Variants in MCC observed in about 807,000 individuals in gnomAD.
MCC encodes colorectal mutant cancer protein.
A neutral mutation model predicts 116.2 loss-of-function variants in MCC; 90 were observed. The ratio of observed to expected loss-of-function variants is 0.77; its 90% CI spans 0.65 to 0.92. The LOEUF is 0.92. MCC is among the 40% of genes least tolerant of loss of function. The pLI, the probability that MCC is intolerant of heterozygous loss-of-function variation, is 0.00. For synonymous variants in MCC, 578 were observed against 510.5 expected, an observed-to-expected ratio of 1.13 and a Z score of -1.78; for missense variants, 1,516 against 1,312.2, an observed-to-expected ratio of 1.16 and a Z score of -2.40.
intron 4 of MCC, among the ~76,000 whole-genome samples, chr5:113,143,835 G>A (rs904056594): frequency 3.9e-5 from 6 of 152,302 alleles, no homozygotes; most frequent in Non-Finnish European, 8.8e-5. Context: ...TGGCTGTTCA[G>A]TTTCCCTTTT....
chr5:113,082,914 G>T lies in MCC; in HGVS notation c.1730C>A (p.Ala577Asp), dbSNP rs748684730. The T allele has an allele frequency of 4.3e-6, 7 of 1,614,052 alleles. No individual in the cohort carries two copies. Among genetic ancestry groups the T allele is most frequent in the Non-Finnish European group, 5.9e-6 (7 of 1,180,028 alleles). Residue 577 changes from alanine to aspartate, a missense_variant, in exon 11 of 19, where the codon GCC becomes GAC. Physicochemically the swap from Ala to Asp is moderately radical, Grantham distance 126 (BLOSUM62 -2). Coordinates refer to ENST00000408903, the MANE Select transcript of MCC (RefSeq NM_001085377.2). ...CTCTCTAATCTTGCTTTCTGAGATGGCAGATCCGTGTGAGTAGAGTGTTTG... is the reference window on the plus strand; with the variant it reads ...CTCTCTAATCTTGCTTTCTGAGATGTCAGATCCGTGTGAGTAGAGTGTTTG... Reference protein sequence around the residue: ...IFQTLYSHGSAISESKIREFE... With the variant: ...IFQTLYSHGSDISESKIREFE...
chr5:113,364,451 C>T (rs1768636070), intron 2 of MCC, among the ~76,000 whole-genome samples: 2 of 152,188 alleles, frequency 1.3e-5, no homozygotes. Flanking sequence ...GGTTCAGCCC[C>T]TGTGGCTACT....
intron 2 of MCC, among the ~76,000 whole-genome samples, chr5:113,361,244 A>G (rs1003259113): frequency 4.7e-5 from 6 of 128,366 alleles, no homozygotes; most frequent in Non-Finnish European, 9.8e-5. Context: ...GAAGTTATCA[A>G]TTTCATAAAT....
Position 113,029,018 on chromosome 5 carries a change from C to T in MCC, c.2795G>A (p.Ser932Asn), listed in dbSNP as rs151182874. 72 of 1,613,408 alleles carry T rather than the reference C, an allele frequency of 4.5e-5. No homozygotes were observed. The highest frequency in any genetic ancestry group is 5.9e-5 in the Non-Finnish European group (70 of 1,179,704). The change falls in exon 18 of 19, where the codon AGT (serine) becomes AAT (asparagine). Residue 932 changes from serine (S) to asparagine (N), a missense_variant. Physicochemically the swap from Ser to Asn is conservative, Grantham distance 46. Coordinates refer to ENST00000408903, the MANE Select transcript of MCC (RefSeq NM_001085377.2). ...KLKARVQELV[S>N]ALERLTKSSE... ...GCTCTTGGTGAGTCTCTCCAAGGCA[C>T]TCACCAGCTCTTGAACTCTGGCCTT... is the stretch of plus-strand genomic sequence containing the variant.
intron 1 of MCC, among the ~76,000 whole-genome samples, chr5:113,422,281 C>T (rs201517852): frequency 1.3e-5 from 2 of 151,912 alleles, no homozygotes; most frequent in South Asian, 4.1e-4. Context: ...CAGTATTCCA[C>T]CATACAGATA....
At chr5:113,281,807 A>G (rs750870042) in intron 3 of MCC, among the ~76,000 whole-genome samples, 3 of 152,236 alleles carry the variant, frequency 2.0e-5, no homozygotes, top group African/African-American at 2.4e-5. Context: ...ATTGGTCTAC[A>G]CTTAAGAACT....
At chr5:113,333,176 C>T (rs1360309426) in intron 3 of MCC, among the ~76,000 whole-genome samples, 1 of 151,760 alleles carries the variant, frequency 6.6e-6, no homozygotes, top group Non-Finnish European at 1.5e-5. Context: ...CTCACCACTA[C>T]TACACCAACT....
At chr5:113,130,575 T>C (rs1020911173) in intron 5 of MCC, among the ~76,000 whole-genome samples, 3 of 152,128 alleles carry the variant, frequency 2.0e-5, no homozygotes, top group Non-Finnish European at 4.4e-5. Context: ...ACCCCCAATA[T>C]TGGAGATGGA....
intron 3 of MCC, among the ~76,000 whole-genome samples, chr5:113,259,552 T>G (rs1369599094): frequency 3.3e-5 from 5 of 152,206 alleles, no homozygotes; most frequent in Non-Finnish European, 5.9e-5. Context: ...CTTAATGTGC[T>G]TCAGAAATTA....
intron 3 of MCC, among the ~76,000 whole-genome samples, chr5:113,156,571 G>A (rs1760183935): frequency 6.6e-6 from 1 of 152,186 alleles, no homozygotes; most frequent in African/African-American, 2.4e-5. Context: ...AGATTCTGCT[G>A]AAATCCTAAG....
intron 1 of MCC, among the ~76,000 whole-genome samples, chr5:113,460,646 A>G (rs1771718777): frequency 2.6e-5 from 4 of 152,194 alleles, no homozygotes; most frequent in Admixed American, 2.6e-4. Flanking sequence ...GCATCAAAAG[A>G]TGCTCACAGA....
intron 3 of MCC, among the ~76,000 whole-genome samples, chr5:113,266,002 G>A (rs946881676): frequency 6.6e-6 from 1 of 152,122 alleles, no homozygotes; most frequent in Non-Finnish European, 1.5e-5. Flanking sequence ...TAGGAAGAGA[G>A]ACAGTAAGTC....
intron 1 of MCC, among the ~76,000 whole-genome samples, chr5:113,485,198 G>A (rs2150437663): frequency 6.6e-6 from 1 of 152,166 alleles, no homozygotes. Context: ...TCCCCTCACG[G>A]CCCAGTTTCT....
At chr5:113,079,666 A>G (rs1402430380) in intron 11 of MCC, among the ~76,000 whole-genome samples, 1 of 152,264 alleles carries the variant, frequency 6.6e-6, no homozygotes, top group East Asian at 1.9e-4. Context: ...TTCAAGATGG[A>G]TTAAAGATTT....
At chr5:113,136,200 C>T (rs1758815707) in intron 5 of MCC, among the ~76,000 whole-genome samples, 1 of 152,204 alleles carries the variant, frequency 6.6e-6, no homozygotes, top group South Asian at 2.1e-4. Flanking sequence ...TTTACTCCTT[C>T]CTTCTCCTAC....
At chr5:113,197,609 C>A (rs906503053) in intron 3 of MCC, among the ~76,000 whole-genome samples, 1 of 152,164 alleles carries the variant, frequency 6.6e-6, no homozygotes, top group Non-Finnish European at 1.5e-5. Context: ...TTTCTTGGGT[C>A]GTGGGAGGCC....
chr5:113,065,718 C>T (rs573921573), intron 13 of MCC, among the ~76,000 whole-genome samples: 1 of 152,310 alleles, frequency 6.6e-6, no homozygotes, highest in South Asian at 2.1e-4. Context: ...AAAGAAAAGA[C>T]CCACAATCAT....
intron 3 of MCC, among the ~76,000 whole-genome samples, chr5:113,228,173 A>G (rs1322856850): frequency 6.6e-6 from 1 of 152,216 alleles, no homozygotes; most frequent in Non-Finnish European, 1.5e-5. Context: ...AGGGCCTGCT[A>G]TGGCTTGAAA....
intron 5 of MCC, among the ~76,000 whole-genome samples, chr5:113,128,592 T>G (rs761876428): frequency 3.0e-4 from 46 of 152,212 alleles, no homozygotes; most frequent in Non-Finnish European, 3.8e-4. Flanking sequence ...AATCTTTTGG[T>G]GAATAATTGA....
Sources: gnomAD v4.1 joint callset for allele counts (sites outside exome capture counted in the v4.1 genomes callset) on GRCh38, gnomAD v4.1.1 for gene constraint, MANE v1.5 for transcripts, NCBI Gene and HGNC (gene_info 2026-07-23, HGNC 2026-07-21) for gene names.